The following CNTNAP5 variants were observed in gnomAD, a reference collection of about 807,000 sequenced individuals.
CNTNAP5 encodes contactin-associated protein-like 5.
In CNTNAP5, 72 loss-of-function variants were observed where a neutral mutation model predicts 150.2. The ratio of observed to expected loss-of-function variants is 0.48; its 90% confidence interval spans 0.40 to 0.58. The LOEUF is 0.58. CNTNAP5 is among the 20% of genes least tolerant of loss of function. CNTNAP5 has a pLI of 0.00. For missense variants in CNTNAP5, 1,636 were observed against 1,626.2 expected, an observed-to-expected ratio of 1.01 and a Z score of -0.10; for synonymous variants, 672 against 619.8, an observed-to-expected ratio of 1.08 and a Z score of -1.25.
chr2:124,025,626 G>T lies in CNTNAP5; in HGVS notation c.-25G>T, dbSNP rs557468602. The T allele has an allele frequency of 2.5e-6, 4 of 1,611,676 alleles. No homozygotes were observed. The South Asian group carries it at 4.4e-5, about 18-fold the overall frequency. On this transcript the variant is annotated 5_prime_UTR_variant, in exon 1 of 24. Coordinates refer to ENST00000682447, the MANE Select transcript of CNTNAP5 (RefSeq NM_001367498.1). ...GCTACTGCGAATTTGGGATTCGATT[G>T]GGAGGGACCGCTCACTCGGGGGAAA...
intron 4 of CNTNAP5, among the ~76,000 whole-genome samples, chr2:124,432,094 T>A (rs781281408): frequency 6.6e-6 from 1 of 152,180 alleles, no homozygotes; most frequent in African/African-American, 2.4e-5. Context: ...AATTTGTGGA[T>A]GGTGATTCTC....
chr2:124,324,665 T>C (rs988288917), intron 3 of CNTNAP5, among the ~76,000 whole-genome samples: 34 of 152,234 alleles, frequency 2.2e-4, no homozygotes, highest in Middle Eastern at 3.4e-3. Flanking sequence ...CTGACAATGC[T>C]GAAACAATGT....
chr2:124,214,135 AGT>A (rs1377540044), intron 1 of CNTNAP5, among the ~76,000 whole-genome samples: 4 of 152,154 alleles, frequency 2.6e-5, no homozygotes, highest in Admixed American at 6.5e-5. Flanking sequence ...CAGCTGTTGC[AGT>A]GACTGTGAGC....
intron 10 of CNTNAP5, among the ~76,000 whole-genome samples, chr2:124,539,158 C>T (rs1695318378): frequency 6.6e-6 from 1 of 152,164 alleles, no homozygotes; most frequent in African/African-American, 2.4e-5. Flanking sequence ...GCAGGTCTGA[C>T]CTGCAGTAAA....
At position 124,044,889 on chromosome 2, in the gene CNTNAP5, AACACACACACAC is replaced by A. The variant is rs147761848; in HGVS notation, c.82+19189_82+19200del. On this transcript the variant is annotated intron_variant, in intron 1 of 23. Coordinates refer to ENST00000682447, the MANE Select transcript of CNTNAP5 (RefSeq NM_001367498.1). ...CAGACGGAAGCAATGGTAGTGAGGA[AACACACACACAC>A]ACACACACACACACACACACACACA... 9.5e-4 allele frequency among the ~76,000 whole-genome samples: 137 copies of A among 144,058 alleles called. 1 individual carries two copies. The highest frequency in any genetic ancestry group is 3.5e-3 in the Middle Eastern group (1 of 286). 94.5% of individuals were successfully genotyped at this position (144,058 alleles called of 152,430 possible).
At chr2:124,752,573 T>C (rs1220138453) in intron 14 of CNTNAP5, among the ~76,000 whole-genome samples, 2 of 152,166 alleles carry the variant, frequency 1.3e-5, no homozygotes, top group African/African-American at 4.8e-5. Context: ...CGGAATTAGC[T>C]GATTTCCTAG....
intron 1 of CNTNAP5, among the ~76,000 whole-genome samples, chr2:124,031,871 C>T (rs1373504676): frequency 6.6e-6 from 1 of 152,140 alleles, no homozygotes; most frequent in Non-Finnish European, 1.5e-5. Context: ...TGCAAGCCTA[C>T]ACCATTACCC....
intron 17 of CNTNAP5, among the ~76,000 whole-genome samples, chr2:124,786,572 G>A (rs1380184368): frequency 2.0e-5 from 3 of 151,426 alleles, no homozygotes; most frequent in South Asian, 4.2e-4. Flanking sequence ...AAGACAGAGA[G>A]AAAGAAAGAA....
intron 7 of CNTNAP5, among the ~76,000 whole-genome samples, chr2:124,482,868 T>C (rs973610354): frequency 2.6e-5 from 4 of 152,326 alleles, no homozygotes; most frequent in Non-Finnish European, 4.4e-5. Flanking sequence ...CCAGTGACTC[T>C]TGTACTCCTT....
intron 14 of CNTNAP5, among the ~76,000 whole-genome samples, chr2:124,749,013 A>T (rs976819489): frequency 2.0e-5 from 3 of 152,156 alleles, no homozygotes; most frequent in Non-Finnish European, 2.9e-5. Context: ...GTCTCTTTAA[A>T]CATTATACCT....
At chr2:124,091,284 G>T (rs1271360646) in intron 1 of CNTNAP5, among the ~76,000 whole-genome samples, 1 of 152,176 alleles carries the variant, frequency 6.6e-6, no homozygotes, top group Non-Finnish European at 1.5e-5. Context: ...GGTGGGGGCA[G>T]GTTGTCCAGG....
At chr2:124,076,716 A>C (rs1682447120) in intron 1 of CNTNAP5, among the ~76,000 whole-genome samples, 1 of 152,098 alleles carries the variant, frequency 6.6e-6, no homozygotes, top group South Asian at 2.1e-4. Context: ...TTCCTTTCTA[A>C]TCTGTAGTCA....
intron 3 of CNTNAP5, among the ~76,000 whole-genome samples, chr2:124,337,792 T>A (rs1558857065): frequency 6.6e-6 from 1 of 151,974 alleles, no homozygotes; most frequent in African/African-American, 2.4e-5. Context: ...TAGTATAGTT[T>A]GAAGTCAGGT....
chr2:124,708,361 AG>A (rs1246100007), intron 13 of CNTNAP5, among the ~76,000 whole-genome samples: 1 of 152,156 alleles, frequency 6.6e-6, no homozygotes, highest in African/African-American at 2.4e-5. Flanking sequence ...TGGAAGCTAG[AG>A]TCAATGAAGG....
At chr2:124,536,351 G>T (rs1170475308) in intron 10 of CNTNAP5, among the ~76,000 whole-genome samples, 15 of 152,274 alleles carry the variant, frequency 9.9e-5, no homozygotes, top group Non-Finnish European at 1.5e-5. Flanking sequence ...CAGGACTGCA[G>T]CATCGGTGTC....
intron 3 of CNTNAP5, among the ~76,000 whole-genome samples, chr2:124,400,679 TTTTTTTTTTG>T (rs1691393101): frequency 2.0e-5 from 2 of 101,344 alleles, no homozygotes; most frequent in African/African-American, 5.6e-5. Context: ...GTTTTTTTTT[TTTTTTTTTTG>T]TTTTTTTTCT....
intron 11 of CNTNAP5, among the ~76,000 whole-genome samples, chr2:124,589,961 A>T (rs1696643067): frequency 2.0e-5 from 3 of 152,110 alleles, no homozygotes; most frequent in Admixed American, 1.3e-4. Context: ...TTAAGAGGTG[A>T]TTAGGCCATG....
At chr2:124,508,643 T>C (rs1055430798) in intron 8 of CNTNAP5, among the ~76,000 whole-genome samples, 77 of 152,186 alleles carry the variant, frequency 5.1e-4, no homozygotes, top group African/African-American at 1.8e-3. Context: ...CATCAGTTAT[T>C]TCAGACCCAC....
At chr2:124,292,682 G>A (rs1202064640) in intron 3 of CNTNAP5, among the ~76,000 whole-genome samples, 2 of 151,854 alleles carry the variant, frequency 1.3e-5, no homozygotes, top group Admixed American at 6.6e-5. Flanking sequence ...TATAAAAGGA[G>A]GAGAAAACAC....
Sources: gnomAD v4.1 joint callset for allele counts (sites outside exome capture counted in the v4.1 genomes callset) on GRCh38, gnomAD v4.1.1 for gene constraint, MANE v1.5 for transcripts, NCBI Gene and HGNC (gene_info 2026-07-23, HGNC 2026-07-21) for gene names.